The following MGA variants were observed in gnomAD, a reference collection of about 807,000 sequenced individuals.
The protein encoded by MGA is MAX dimerization protein MGA.
A neutral mutation model predicts 261.1 loss-of-function variants in MGA; 40 were observed. The observed-to-expected ratio is 0.15, with a 90% CI of 0.12 to 0.20. MGA has a LOEUF of 0.20. Among genes scored for constraint, MGA ranks in the 10% least tolerant of loss-of-function variants. The pLI is 1.00. For missense variants in MGA, 3,397 were observed against 3,630.5 expected, an observed-to-expected ratio of 0.94 and a Z score of 1.65; for synonymous variants, 1,302 against 1,290.6, an observed-to-expected ratio of 1.01 and a Z score of -0.19.
chr15:41,671,199 C>T (rs2058040129), intron 2 of MGA, among the ~76,000 whole-genome samples: 2 of 152,168 alleles, frequency 1.3e-5, no homozygotes, highest in Admixed American at 1.3e-4. Flanking sequence ...TTCAACTAAC[C>T]ACAAATCCAA....
intron 9 of MGA, among the ~76,000 whole-genome samples, chr15:41,720,526 T>C (rs2950446): frequency 0.76 from 114,987 of 151,934 alleles, 44,714 homozygotes; most frequent in East Asian, 0.89. Context: ...CAGAGTGAGA[T>C]GTTGTCTCAA....
chr15:41,676,384 G>A (rs1203415822), intron 2 of MGA, among the ~76,000 whole-genome samples: 1 of 152,222 alleles, frequency 6.6e-6, no homozygotes, highest in African/African-American at 2.4e-5. Context: ...TGGCCAGGCC[G>A]GTCTCATGAT....
At chr15:41,736,103 T>C in intron 12 of MGA, 78 bp from the exon 13 acceptor site, 1 of 1,243,748 alleles carries the variant, frequency 8.0e-7, no homozygotes, top group Non-Finnish European at 1.1e-6. Context: ...GACAGTTTTT[T>C]TTCAGAGTTT....
intron 2 of MGA, among the ~76,000 whole-genome samples, chr15:41,691,214 A>C (rs946895990): frequency 6.6e-6 from 1 of 152,072 alleles, no homozygotes; most frequent in Non-Finnish European, 1.5e-5. Flanking sequence ...AATTTGTTTC[A>C]ACAGTGTTTT....
intron 1 of MGA, among the ~76,000 whole-genome samples, chr15:41,635,773 T>C (rs1189827177): frequency 6.6e-6 from 1 of 152,228 alleles, no homozygotes; most frequent in East Asian, 1.9e-4. Flanking sequence ...TGGTCAATGA[T>C]GGACTGCATA....
chr15:41,723,632 G>T (rs1184683322), intron 9 of MGA, among the ~76,000 whole-genome samples: 1 of 152,134 alleles, frequency 6.6e-6, no homozygotes, highest in Admixed American at 6.5e-5. Flanking sequence ...GCCCAGGCTG[G>T]TTTTGGGCTC....
intron 2 of MGA, chr15:41,691,593 A>G (rs748456066): frequency 4.2e-5 from 21 of 503,052 alleles, no homozygotes; most frequent in Non-Finnish European, 7.1e-5. Context: ...GAACTGATAT[A>G]TTTGTCTTAT....
intron 19 of MGA, 47 bp downstream of exon 19, chr15:41,757,886 T>C: frequency 6.7e-7 from 1 of 1,487,076 alleles, no homozygotes; most frequent in South Asian, 1.2e-5. Context: ...ATAAAATTGT[T>C]AACATTTATC....
At chr15:41,675,244 T>G (rs1350544642) in intron 2 of MGA, among the ~76,000 whole-genome samples, 1 of 152,354 alleles carries the variant, frequency 6.6e-6, no homozygotes, top group East Asian at 1.9e-4. Flanking sequence ...CAGCTTATAC[T>G]TCCACCAAAA....
chr15:41,743,947 G>A (rs186717444), intron 15 of MGA, among the ~76,000 whole-genome samples: 15 of 152,294 alleles, frequency 9.8e-5, no homozygotes, highest in African/African-American at 3.6e-4. Flanking sequence ...GCTAAAGTAA[G>A]TGGTTCTTTT....
intron 2 of MGA, among the ~76,000 whole-genome samples, chr15:41,692,734 C>T (rs1055566916): frequency 2.0e-5 from 3 of 151,956 alleles, no homozygotes; most frequent in African/African-American, 7.3e-5. Context: ...TTTTTTGAGA[C>T]GGAGTCTCAC....
At chr15:41,659,645 C>A (rs920650227), upstream of MGA, among the ~76,000 whole-genome samples, 2 of 152,238 alleles carry the variant, frequency 1.3e-5, no homozygotes, top group Non-Finnish European at 2.9e-5. Context: ...TAGATATTCA[C>A]TAATACTTTC....
intron 18 of MGA, 72 bp from the exon 19 acceptor site, chr15:41,757,715 TG>T (rs2063225981): frequency 8.2e-7 from 1 of 1,213,466 alleles, no homozygotes; most frequent in Admixed American, 1.9e-5. Context: ...TGGAATGGTT[TG>T]GTTGTAGCTG....
chr15:41,658,184 A>C (rs1423122657), upstream of MGA, among the ~76,000 whole-genome samples: 4 of 152,196 alleles, frequency 2.6e-5, no homozygotes, highest in African/African-American at 9.6e-5. Flanking sequence ...AGAAAAATCT[A>C]CTTGAACGTG....
At chr15:41,707,677 A>T (rs2060192180) in intron 5 of MGA, 51 bp from the exon 6 acceptor site, 1 of 1,505,092 alleles carries the variant, frequency 6.6e-7, no homozygotes, top group Middle Eastern at 1.7e-4. Context: ...GAAGGGAGAT[A>T]ATATGATTTC....
chr15:41,635,345 T>G (rs1207399592), intron 1 of MGA, among the ~76,000 whole-genome samples: 2 of 150,826 alleles, frequency 1.3e-5, no homozygotes, highest in Non-Finnish European at 3.0e-5. Context: ...AATAAATAAA[T>G]AAGTAAATAA....
chr15:41,655,137 A>G (rs569228908), intron 1 of MGA, among the ~76,000 whole-genome samples: 1 of 151,046 alleles, frequency 6.6e-6, no homozygotes, highest in Non-Finnish European at 1.5e-5. Context: ...TTTGCATGTA[A>G]CCCATGTACA....
rs1209845846 is a variant in MGA, at chr15:41,696,182, A to G, written c.1172A>G (p.Tyr391Cys). 12 of 1,613,992 alleles carry G rather than the reference A, an allele frequency of 7.4e-6. No individual in the cohort carries two copies. The Admixed American group carries it at 1.5e-4, about 20-fold the overall frequency. Residue 391 changes from tyrosine (Y) to cysteine (C), a missense_variant, in exon 3 of 24, where the codon TAC (tyrosine) becomes TGC (cysteine). Tyr to Cys is a radical substitution (Grantham distance 194, BLOSUM62 -2). This residue lies in a region of MGA where 563 missense variants were observed against 563.6 expected (regional missense o/e 1.00). Transcript: ENST00000219905. ...GAGGAACCTCTAGATGATTATGACT[A>G]CGAACTTGGTGAGTGCCCAGAAGGG...
chr15:41,624,290 C>G (rs966306529), intron 1 of MGA, among the ~76,000 whole-genome samples: 1 of 151,768 alleles, frequency 6.6e-6, no homozygotes, highest in Non-Finnish European at 1.5e-5. Flanking sequence ...CTCTGTCGCC[C>G]AGGCTGGAGT....
Sources: allele counts gnomAD v4.1 joint callset (sites outside exome capture counted in the v4.1 genomes callset), GRCh38; gene constraint gnomAD v4.1.1; regional missense constraint gnomAD v4.1.1; transcripts MANE v1.5; gene names NCBI Gene and HGNC (gene_info 2026-07-23, HGNC 2026-07-21).